Variants in ARHGAP12 observed in about 807,000 individuals in gnomAD.
ARHGAP12 encodes Rho GTPase activating protein 12, also known as rho GTPase-activating protein 12.
Under a neutral mutation model 108.6 loss-of-function variants are expected in ARHGAP12, and 64 were observed. The observed-to-expected ratio is 0.59, with a 90% CI of 0.48 to 0.73. ARHGAP12 has a LOEUF of 0.73. Among genes scored for constraint, ARHGAP12 ranks in the 30% least tolerant of loss-of-function variants. ARHGAP12 has a pLI of 0.00. For synonymous variants in ARHGAP12, 312 were observed against 337.2 expected (o/e 0.93, Z 0.82); for missense variants, 940 against 1,005.9 (o/e 0.93, Z 0.89).
chr10:31,888,642 C>T (rs1344664466), intron 3 of ARHGAP12, among the ~76,000 whole-genome samples: 1 of 152,124 alleles, frequency 6.6e-6, no homozygotes, highest in Non-Finnish European at 1.5e-5. Context: ...TCTCATGGGC[C>T]TAAACATTCC....
intron 3 of ARHGAP12, among the ~76,000 whole-genome samples, chr10:31,874,745 G>A (rs963981504): frequency 2.0e-5 from 3 of 151,848 alleles, no homozygotes; most frequent in African/African-American, 7.3e-5. Flanking sequence ...CGGCCGAGGC[G>A]TGCGGATCAC....
chr10:31,889,386 T>C (rs1400235933), intron 3 of ARHGAP12, among the ~76,000 whole-genome samples: 1 of 152,160 alleles, frequency 6.6e-6, no homozygotes, highest in African/African-American at 2.4e-5. Flanking sequence ...TAAGTGACCT[T>C]ACTTCAGTTT....
At chr10:31,833,436 G>T (rs986784100) in intron 9 of ARHGAP12, among the ~76,000 whole-genome samples, 2 of 152,158 alleles carry the variant, frequency 1.3e-5, no homozygotes, top group African/African-American at 2.4e-5. Context: ...GCCTAAGGAT[G>T]AGAGGGAGAG....
At chr10:31,874,143 G>A (rs1245327746) in intron 3 of ARHGAP12, among the ~76,000 whole-genome samples, 2 of 152,206 alleles carry the variant, frequency 1.3e-5, no homozygotes, top group Admixed American at 1.3e-4. Context: ...CTTAGAAGGT[G>A]AGGCTTCTGG....
intron 15 of ARHGAP12, 104 bp from the exon 16 acceptor site, chr10:31,810,851 A>G (rs1834990314): frequency 1.2e-6 from 1 of 807,542 alleles, no homozygotes; most frequent in Non-Finnish European, 2.1e-6. Flanking sequence ...GTAACCAAAT[A>G]TTGTTTAACA....
At chr10:31,922,994 G>T (rs1176400758) in intron 1 of ARHGAP12, among the ~76,000 whole-genome samples, 1 of 152,038 alleles carries the variant, frequency 6.6e-6, no homozygotes, top group African/African-American at 2.4e-5. Flanking sequence ...AGCTGGGCAT[G>T]GTGCCACACA....
At position 31,920,741 on chromosome 10, in the gene ARHGAP12, T is replaced by C. The variant is rs1405413215; in HGVS notation, c.-111+7942A>G. ...TATTCCAGAAACTAGAGTATTTACATAGTGTTAGTGAGAGTGCTAAATAGC... is the reference window on the plus strand; with the variant it reads ...TATTCCAGAAACTAGAGTATTTACACAGTGTTAGTGAGAGTGCTAAATAGC... On this transcript the variant is annotated intron_variant, in intron 1 of 19. Coordinates refer to ENST00000344936, the MANE Select transcript of ARHGAP12 (RefSeq NM_018287.7). Among the ~76,000 whole-genome samples the C allele has an allele frequency of 9.8e-5, 15 of 152,300 alleles. No individual in the cohort carries two copies. In the East Asian group the frequency reaches 2.5e-3, roughly 25 times the overall value.
chr10:31,848,864 A>C (rs1836564605), intron 6 of ARHGAP12, among the ~76,000 whole-genome samples: 1 of 152,130 alleles, frequency 6.6e-6, no homozygotes, highest in South Asian at 2.1e-4. Context: ...CAAGGTCAGG[A>C]GTTCGAGACT....
At chr10:31,898,850 G>A (rs771776018) in intron 3 of ARHGAP12, among the ~76,000 whole-genome samples, 1 of 151,734 alleles carries the variant, frequency 6.6e-6, no homozygotes, top group African/African-American at 2.4e-5. Context: ...ATAAAATAGT[G>A]TAACAACAAC....
chr10:31,875,053 T>C (rs1472920829), intron 3 of ARHGAP12, among the ~76,000 whole-genome samples: 1 of 149,972 alleles, frequency 6.7e-6, no homozygotes, highest in African/African-American at 2.5e-5. Flanking sequence ...GAAGACCATA[T>C]GTAAGTTTCT....
intron 1 of ARHGAP12, among the ~76,000 whole-genome samples, chr10:31,928,339 G>A (rs367921786): frequency 2.6e-4 from 39 of 151,990 alleles, no homozygotes; most frequent in African/African-American, 9.2e-4. Flanking sequence ...CTCCCTGGGG[G>A]CGGGGCGGGC....
chr10:31,920,470 A>AAAAAAAAAAAAAAAAAAC (rs1292227937), intron 1 of ARHGAP12, among the ~76,000 whole-genome samples: 2 of 150,916 alleles, frequency 1.3e-5, no homozygotes, highest in African/African-American at 2.4e-5. Flanking sequence ...AAAAAAAAAA[A>AAAAAAAAAAAAAAAAAAC]AGAAAACTGA....
At chr10:31,918,952 T>A (rs1269360285) in intron 1 of ARHGAP12, among the ~76,000 whole-genome samples, 1 of 152,230 alleles carries the variant, frequency 6.6e-6, no homozygotes, top group African/African-American at 2.4e-5. Context: ...CACAGCAGCA[T>A]TAATCACAAT....
intron 3 of ARHGAP12, among the ~76,000 whole-genome samples, chr10:31,898,253 G>T (rs1391322062): frequency 1.3e-5 from 2 of 152,214 alleles, no homozygotes; most frequent in East Asian, 3.9e-4. Context: ...AATGTGCCAA[G>T]AATTTGAATA....
chr10:31,897,310 A>G (rs1838740416), intron 3 of ARHGAP12, among the ~76,000 whole-genome samples: 1 of 152,130 alleles, frequency 6.6e-6, no homozygotes, highest in Non-Finnish European at 1.5e-5. Context: ...GTCTTGCCTA[A>G]GGGAAAGGGT....
intron 3 of ARHGAP12, among the ~76,000 whole-genome samples, chr10:31,890,624 CAA>C (rs1419119495): frequency 8.6e-5 from 13 of 152,046 alleles, no homozygotes; most frequent in Non-Finnish European, 1.3e-4. Flanking sequence ...AGGAGTGTGG[CAA>C]GAGAGGACTT....
chr10:31,834,671 T>C (rs1333148292), intron 9 of ARHGAP12, among the ~76,000 whole-genome samples: 1 of 152,200 alleles, frequency 6.6e-6, no homozygotes, highest in Non-Finnish European at 1.5e-5. Flanking sequence ...ACCACATCTG[T>C]TATGTTCATC....
At chr10:31,840,680 G>A (rs558043410) in intron 7 of ARHGAP12, among the ~76,000 whole-genome samples, 88 of 152,124 alleles carry the variant, frequency 5.8e-4, no homozygotes, top group African/African-American at 2.1e-3. Flanking sequence ...ACCAACCTGG[G>A]AATTTGTTTT....
intron 4 of ARHGAP12, among the ~76,000 whole-genome samples, chr10:31,857,161 GGAGA>G (rs1335645153): frequency 6.6e-6 from 1 of 152,050 alleles, no homozygotes; most frequent in Non-Finnish European, 1.5e-5. Flanking sequence ...GCAGGTGAAG[GGAGA>G]GAAAGAAATA....
Sources: allele counts gnomAD v4.1 joint callset (sites outside exome capture counted in the v4.1 genomes callset), GRCh38; gene constraint gnomAD v4.1.1; transcripts MANE v1.5; gene names NCBI Gene and HGNC (gene_info 2026-07-23, HGNC 2026-07-21).